The following SLCO3A1 variants were observed in gnomAD, a reference collection of about 807,000 sequenced individuals.
SLCO3A1 encodes the protein PGE1 transporter.
A neutral mutation model predicts 63.1 loss-of-function variants in SLCO3A1; 27 were observed. That is an observed-to-expected ratio of 0.43 (90% confidence interval 0.32 to 0.59). The LOEUF is 0.59. Ranked by LOEUF, SLCO3A1 falls within the 20% of genes least tolerant of loss-of-function variation. The pLI is 0.09. For synonymous variants in SLCO3A1, 473 were observed against 409.9 expected, an observed-to-expected ratio of 1.15 and a Z score of -1.86; for missense variants, 773 against 945.8, an observed-to-expected ratio of 0.82 and a Z score of 2.40.
intron 2 of SLCO3A1, among the ~76,000 whole-genome samples, chr15:92,041,360 ATAGAC>A (rs919575779): frequency 8.0e-4 from 122 of 152,316 alleles, no homozygotes; most frequent in African/African-American, 2.9e-3. Flanking sequence ...TCCCAGCACA[ATAGAC>A]TAGAAGCCCT....
At chr15:92,066,005 C>T (rs572839243) in intron 2 of SLCO3A1, among the ~76,000 whole-genome samples, 16 of 152,338 alleles carry the variant, frequency 1.1e-4, no homozygotes, top group Non-Finnish European at 1.5e-4. Context: ...AGCTTTCTTA[C>T]GGGCAACATT....
At chr15:92,115,280 G>A (rs2047780128) in intron 4 of SLCO3A1, among the ~76,000 whole-genome samples, 2 of 152,038 alleles carry the variant, frequency 1.3e-5, no homozygotes, top group African/African-American at 4.8e-5. Flanking sequence ...CTTGACCACA[G>A]AGATGGCCCA....
At chr15:92,119,678 G>A (rs535312344) in intron 4 of SLCO3A1, among the ~76,000 whole-genome samples, 13 of 152,324 alleles carry the variant, frequency 8.5e-5, no homozygotes, top group African/African-American at 2.9e-4. Context: ...AGGGGCTAGG[G>A]GGTGTGATCA....
At chr15:92,045,738 A>C (rs759916388) in intron 2 of SLCO3A1, among the ~76,000 whole-genome samples, 1 of 152,202 alleles carries the variant, frequency 6.6e-6, no homozygotes, top group Non-Finnish European at 1.5e-5. Context: ...TGCAGAGGCA[A>C]GGTGCATTTA....
chr15:92,127,186 C>T (rs1445102105), intron 6 of SLCO3A1, among the ~76,000 whole-genome samples: 2 of 152,232 alleles, frequency 1.3e-5, no homozygotes, highest in Admixed American at 1.3e-4. Flanking sequence ...ATCCCCGCCC[C>T]AGCCTGGCCC....
chr15:92,027,938 A>G (rs1469631529), intron 2 of SLCO3A1, among the ~76,000 whole-genome samples: 1 of 152,216 alleles, frequency 6.6e-6, no homozygotes, highest in Non-Finnish European at 1.5e-5. Context: ...AGTTTGAGAC[A>G]AGGATGTGGG....
intron 2 of SLCO3A1, among the ~76,000 whole-genome samples, chr15:92,001,746 A>G (rs918833003): frequency 6.6e-6 from 1 of 151,696 alleles, no homozygotes; most frequent in Non-Finnish European, 1.5e-5. Context: ...CCAACCAGCT[A>G]GCCAATATTT....
At position 91,856,157 on chromosome 15, in the gene SLCO3A1, C is replaced by T. The variant is rs560136726; in HGVS notation, c.180+2069C>T. Among the ~76,000 whole-genome samples, 4 of 152,022 alleles carry T rather than the reference C, an allele frequency of 2.6e-5. No individual in the cohort carries two copies. The highest frequency in any genetic ancestry group is 2.1e-4 in the South Asian group (1 of 4,812). On this transcript the variant is annotated intron_variant, in intron 1 of 9. Coordinates refer to ENST00000318445, the MANE Select transcript of SLCO3A1 (RefSeq NM_013272.4). The surrounding 1 kb of genome is among the most constrained non-coding windows in gnomAD (Gnocchi z 4.9). ...GGGAATGGCAAGCAGAGGAGGAATT[C>T]GGTCCACCTGGTGGCGGCATCCTGG...
At position 92,136,968 on chromosome 15, in the gene SLCO3A1, C is replaced by CTT. The variant is rs60449563; in HGVS notation, c.1512+8494_1512+8495dup. Among the ~76,000 whole-genome samples, 481 of 141,072 alleles carry CTT rather than the reference C, an allele frequency of 3.4e-3. 13 individuals carry two copies. The East Asian group carries it at 0.066, about 19-fold the overall frequency. 92.5% of individuals were successfully genotyped at this position (141,072 alleles called of 152,430 possible). On this transcript the variant is annotated intron_variant, in intron 7 of 9. Coordinates refer to ENST00000318445, the MANE Select transcript of SLCO3A1 (RefSeq NM_013272.4). ...CCATCGCGTGGACCAAGTAGTCTGT[C>CTT]TTTTTTTTTTTTTTTTAATTATACT...
At chr15:91,981,231 C>G (rs2045980255) in intron 2 of SLCO3A1, among the ~76,000 whole-genome samples, 1 of 152,194 alleles carries the variant, frequency 6.6e-6, no homozygotes, top group South Asian at 2.1e-4. Flanking sequence ...CCTCCTTGCT[C>G]TGCCAGCCAG....
intron 2 of SLCO3A1, among the ~76,000 whole-genome samples, chr15:91,988,797 T>C (rs1161903567): frequency 6.6e-6 from 1 of 152,230 alleles, no homozygotes; most frequent in Admixed American, 6.5e-5. Context: ...ATCACTCATA[T>C]ATGCACACAA....
chr15:91,955,977 T>C (rs567577693), intron 2 of SLCO3A1, among the ~76,000 whole-genome samples: 2 of 152,270 alleles, frequency 1.3e-5, no homozygotes, highest in South Asian at 2.1e-4. Flanking sequence ...ATTACTGTTA[T>C]TAAAAGCAAA....
intron 7 of SLCO3A1, among the ~76,000 whole-genome samples, chr15:92,145,703 G>A (rs1220655864): frequency 6.6e-6 from 1 of 152,170 alleles, no homozygotes; most frequent in Non-Finnish European, 1.5e-5. Context: ...GAGGGGCGGG[G>A]CCTCGGGATC....
chr15:91,988,796 A>G (rs947596847), intron 2 of SLCO3A1, among the ~76,000 whole-genome samples: 4 of 152,226 alleles, frequency 2.6e-5, no homozygotes, highest in African/African-American at 9.6e-5. Context: ...CATCACTCAT[A>G]TATGCACACA....
chr15:91,933,827 T>C (rs1899315416), intron 2 of SLCO3A1, among the ~76,000 whole-genome samples: 1 of 152,202 alleles, frequency 6.6e-6, no homozygotes, highest in South Asian at 2.1e-4. Context: ...AATACAGTTG[T>C]CTGCTGTTAA....
At chr15:92,011,942 T>G (rs1213134992) in intron 2 of SLCO3A1, among the ~76,000 whole-genome samples, 1 of 152,208 alleles carries the variant, frequency 6.6e-6, no homozygotes, top group African/African-American at 2.4e-5. Flanking sequence ...GTCCCCAGGG[T>G]CACAGACTGC....
chr15:92,027,599 G>T (rs180721765), intron 2 of SLCO3A1, among the ~76,000 whole-genome samples: 17 of 152,320 alleles, frequency 1.1e-4, no homozygotes, highest in Non-Finnish European at 2.2e-4. Context: ...TGCACAGTTT[G>T]CTCCCGACGC....
intron 2 of SLCO3A1, among the ~76,000 whole-genome samples, chr15:92,024,100 G>A (rs150850530): frequency 6.6e-6 from 1 of 152,302 alleles, no homozygotes; most frequent in African/African-American, 2.4e-5. Flanking sequence ...TTTCCCTATT[G>A]TGGATTCACT....
At chr15:92,133,220 C>T (rs1234534061) in intron 7 of SLCO3A1, among the ~76,000 whole-genome samples, 1 of 146,338 alleles carries the variant, frequency 6.8e-6, no homozygotes, top group East Asian at 1.9e-4. Flanking sequence ...GATATCATCA[C>T]CCCCAGTGAA....
Sources: gnomAD v4.1 joint callset for allele counts (sites outside exome capture counted in the v4.1 genomes callset) on GRCh38, gnomAD v4.1.1 for gene constraint, Gnocchi (gnomAD v3.1) non-coding constraint, MANE v1.5 for transcripts, NCBI Gene and HGNC (gene_info 2026-07-23, HGNC 2026-07-21) for gene names.